The following SOX6 variants were observed in gnomAD, a reference collection of about 807,000 sequenced individuals.
SOX6 encodes the protein SRY-box transcription factor 6, also known as transcription factor SOX-6.
In SOX6, 11 loss-of-function variants were observed where a neutral mutation model predicts 97.8. The ratio of observed to expected loss-of-function variants is 0.11; its 90% CI spans 0.07 to 0.19. The LOEUF is 0.19. Ranked by LOEUF, SOX6 falls within the 10% of genes least tolerant of loss-of-function variation. The probability of loss-of-function intolerance (pLI) is 1.00; values close to 1 mark genes in which losing one functional copy is unlikely to be tolerated. For synonymous variants in SOX6, 360 were observed against 371.4 expected (o/e 0.97, Z 0.35); for missense variants, 810 against 1,039.5 (o/e 0.78, Z 3.04).
intron 15 of SOX6, among the ~76,000 whole-genome samples, chr11:15,981,491 TATAA>T (rs71044080): frequency 0.32 from 49,045 of 151,636 alleles, 9,335 homozygotes; most frequent in Non-Finnish European, 0.43. Context: ...CTTCAAAGTG[TATAA>T]ATAAAGACAA....
intron 13 of SOX6, among the ~76,000 whole-genome samples, chr11:15,995,619 A>T (rs887340397): frequency 6.6e-6 from 1 of 152,214 alleles, no homozygotes; most frequent in Non-Finnish European, 1.5e-5. Context: ...GGTGAGAAAC[A>T]TCAACTAAGA....
At position 15,970,661 on chromosome 11, in the gene SOX6, C is replaced by T. The variant is rs1403378452; in HGVS notation, c.*2148G>A. On this transcript the variant is annotated 3_prime_UTR_variant, in exon 16 of 16. Coordinates refer to ENST00000683767, the MANE Select transcript of SOX6 (RefSeq NM_001367873.1). ...AATAACAAAGAGTTCCTATCAGTAC[C>T]TTAATCAGCTTATAGAGAGCACTCC... 1 of 152,584 alleles carries T rather than the reference C, an allele frequency of 6.6e-6. No individual in the cohort carries two copies. The highest frequency in any genetic ancestry group is 1.5e-5 in the Non-Finnish European group (1 of 68,030). 9.5% of individuals were successfully genotyped at this position (152,584 alleles called of 1,614,324 possible). A position where few individuals can be genotyped will look rare whatever the true frequency, so the allele number is the denominator to read the frequency against.
intron 4 of SOX6, among the ~76,000 whole-genome samples, chr11:16,568,826 G>A (rs73417132): frequency 0.032 from 4,834 of 151,998 alleles, 237 homozygotes; most frequent in African/African-American, 0.11. Context: ...CTTTTACACT[G>A]TCCACCCTTA....
chr11:16,559,842 C>T (rs112227506), intron 4 of SOX6, among the ~76,000 whole-genome samples: 160 of 152,152 alleles, frequency 1.1e-3, no homozygotes, highest in African/African-American at 3.4e-3. Context: ...CTAAGGAATG[C>T]GGCAATATTC....
intron 9 of SOX6, among the ~76,000 whole-genome samples, chr11:16,094,349 A>G (rs1848751483): frequency 6.6e-6 from 1 of 151,806 alleles, no homozygotes; most frequent in Non-Finnish European, 1.5e-5. Context: ...ATCTGAGTGA[A>G]AAATTAGGCA....
chr11:16,197,637 T>C (rs1043156185), intron 4 of SOX6, among the ~76,000 whole-genome samples: 1 of 152,234 alleles, frequency 6.6e-6, no homozygotes, highest in African/African-American at 2.4e-5. Context: ...ACCTTAATAA[T>C]GATTCCTGGG....
intron 4 of SOX6, among the ~76,000 whole-genome samples, chr11:16,485,637 A>G (rs186002209): frequency 6.6e-6 from 1 of 151,552 alleles, no homozygotes; most frequent in African/African-American, 2.4e-5. Context: ...AGGCTGAGGC[A>G]GAAGAATCGC....
rs766934438 is a variant in SOX6 at position 16,318,447 on chromosome 11, C to T, written c.444G>A (p.Glu148=). ...CCCAACAGTGAAGTCCACACATACC[C>T]TCTTGTTCAGTCCGAGTCATTTCCT... is the stretch of plus-strand genomic sequence containing the variant. ...KLEEMTRTEQ[E]DSSCMEKLLS... Residue 148 remains glutamate, a splice_region_variant and synonymous_variant, in exon 3 of 16, where the codon GAG becomes GAA. Transcript: ENST00000683767. The T allele has an allele frequency of 1.9e-6, 3 of 1,612,940 alleles. No individual in the cohort carries two copies. Among genetic ancestry groups the T allele is most frequent in the African/African-American group, 1.3e-5 (1 of 74,690 alleles).
At chr11:16,211,170 A>T (rs1397473024) in intron 4 of SOX6, among the ~76,000 whole-genome samples, 8 of 152,176 alleles carry the variant, frequency 5.3e-5, no homozygotes, top group Non-Finnish European at 1.5e-5. Context: ...AAGGGAACCA[A>T]CCATATGTAT....
intron 3 of SOX6, among the ~76,000 whole-genome samples, chr11:16,262,217 C>G (rs1853922423): frequency 6.6e-6 from 1 of 152,048 alleles, no homozygotes; most frequent in Non-Finnish European, 1.5e-5. Flanking sequence ...GCGAACATAA[C>G]TTCTTACTAC....
chr11:16,499,637 G>A (rs564910446), intron 4 of SOX6, among the ~76,000 whole-genome samples: 1 of 152,072 alleles, frequency 6.6e-6, no homozygotes, highest in East Asian at 1.9e-4. Context: ...TATCACCACC[G>A]ATCCCACAGA....
At chr11:16,408,258 G>A (rs569341003) in intron 1 of SOX6, among the ~76,000 whole-genome samples, 22 of 152,190 alleles carry the variant, frequency 1.4e-4, no homozygotes, top group African/African-American at 4.8e-4. Context: ...AGCAGCTTAC[G>A]TTCAACTCAA....
chr11:16,000,445 T>C (rs1007780301), intron 13 of SOX6, among the ~76,000 whole-genome samples: 1 of 152,194 alleles, frequency 6.6e-6, no homozygotes, highest in Non-Finnish European at 1.5e-5. Context: ...ATGCAAAATA[T>C]GGATACACAA....
chr11:16,640,322 C>T lies in SOX6; in HGVS notation n.430-28062G>A, dbSNP rs572500292. On this transcript the variant is annotated intron_variant and non_coding_transcript_variant, in intron 3 of 5. Coordinates refer to the SOX6 transcript ENST00000524520. Reference sequence around the variant, plus strand: ...CTGGATTCGGTTTGCCAGTATTTTACTGAGGATTTTTGCATCGATGTTCAT... The same window carrying T: ...CTGGATTCGGTTTGCCAGTATTTTATTGAGGATTTTTGCATCGATGTTCAT... Among the ~76,000 whole-genome samples, 9 of 152,232 alleles carry T rather than the reference C, an allele frequency of 5.9e-5. No homozygotes were observed. The South Asian group carries it at 1.7e-3, about 28-fold the overall frequency.
At chr11:16,356,010 G>C (rs967987438) in intron 1 of SOX6, among the ~76,000 whole-genome samples, 84 bp downstream of exon 1, 3 of 151,904 alleles carry the variant, frequency 2.0e-5, no homozygotes, top group African/African-American at 7.2e-5. Flanking sequence ...CACCCAATCA[G>C]GTAGGCTTTG....
At chr11:16,308,037 G>A (rs941276013) in intron 3 of SOX6, among the ~76,000 whole-genome samples, 3 of 152,172 alleles carry the variant, frequency 2.0e-5, no homozygotes, top group East Asian at 1.9e-4. Context: ...AGAAAGCTAC[G>A]ATAGGTCTGA....
chr11:16,557,004 T>C (rs1444926411), intron 4 of SOX6, among the ~76,000 whole-genome samples: 2 of 151,792 alleles, frequency 1.3e-5, no homozygotes, highest in Non-Finnish European at 3.0e-5. Context: ...GTTAAATGTC[T>C]TCCAAGCTTC....
intron 1 of SOX6, among the ~76,000 whole-genome samples, chr11:16,454,472 G>A (rs759225857): frequency 6.6e-6 from 1 of 151,992 alleles, no homozygotes; most frequent in African/African-American, 2.4e-5. Flanking sequence ...TTCTGTACTA[G>A]GAAAGGTAAT....
intron 3 of SOX6, among the ~76,000 whole-genome samples, chr11:16,303,892 T>C (rs1855339258): frequency 6.6e-6 from 1 of 152,092 alleles, no homozygotes; most frequent in Admixed American, 6.6e-5. Context: ...GTAAATAGTT[T>C]TGTGGGGGGT....
Sources: gnomAD v4.1 joint callset for allele counts (sites outside exome capture counted in the v4.1 genomes callset) on GRCh38, gnomAD v4.1.1 for gene constraint, MANE v1.5 for transcripts, NCBI Gene and HGNC (gene_info 2026-07-23, HGNC 2026-07-21) for gene names.